Variants in PSPH observed in about 807,000 individuals in gnomAD.
PSPH encodes the protein phosphoserine phosphatase.
A neutral mutation model predicts 23.4 loss-of-function variants in PSPH; 16 were observed. The ratio of observed to expected loss-of-function variants is 0.68; its 90% CI spans 0.46 to 1.04. The LOEUF (loss-of-function observed/expected upper bound fraction) is 1.04. Ranked by LOEUF, PSPH falls within the 50% of genes least tolerant of loss-of-function variation. The pLI is 0.00. For missense variants in PSPH, 223 were observed against 273.7 expected, an observed-to-expected ratio of 0.81 and a Z score of 1.31; for synonymous variants, 68 against 99.7, an observed-to-expected ratio of 0.68 and a Z score of 1.89.
intron 1 of PSPH, among the ~76,000 whole-genome samples, chr7:56,035,540 C>T (rs921516680): frequency 5.9e-5 from 9 of 152,060 alleles, no homozygotes; most frequent in East Asian, 1.9e-4. Context: ...TGCTCACCCA[C>T]GCAGAGGATG....
intron 3 of PSPH, among the ~76,000 whole-genome samples, chr7:56,022,437 G>C (rs899519114): frequency 6.6e-6 from 1 of 152,146 alleles, no homozygotes; most frequent in Non-Finnish European, 1.5e-5. Flanking sequence ...GCAGGGCATC[G>C]ATTTGGCATG....
At chr7:56,024,579 C>T (rs949651955) in intron 3 of PSPH, among the ~76,000 whole-genome samples, 1 of 151,792 alleles carries the variant, frequency 6.6e-6, no homozygotes, top group African/African-American at 2.4e-5. Context: ...GACTTCATCT[C>T]TACAAAAGTA....
chr7:56,034,874 C>A (rs1791524934), intron 1 of PSPH, among the ~76,000 whole-genome samples: 3 of 151,850 alleles, frequency 2.0e-5, no homozygotes, highest in Admixed American at 1.3e-4. Flanking sequence ...AGAGTCTTTG[C>A]ACCTTACTTT....
intron 1 of PSPH, among the ~76,000 whole-genome samples, chr7:56,049,097 T>G (rs371391533): frequency 6.6e-6 from 1 of 151,778 alleles, no homozygotes. Flanking sequence ...TTTTTTTTTT[T>G]GTATTTTTAG....
At chr7:56,041,209 CTTTT>C (rs1163943212) in intron 1 of PSPH, among the ~76,000 whole-genome samples, 2,658 of 130,314 alleles carry the variant, frequency 0.02, 33 homozygotes, top group Non-Finnish European at 0.03. Context: ...CTCTCTCTCT[CTTTT>C]TTTTTTTTTT....
chr7:56,032,855 G>C (rs1259110501), intron 2 of PSPH, among the ~76,000 whole-genome samples: 4 of 151,956 alleles, frequency 2.6e-5, no homozygotes, highest in Non-Finnish European at 4.4e-5. Flanking sequence ...GGGAGGCTGA[G>C]GCAGGAGTTT....
intron 1 of PSPH, among the ~76,000 whole-genome samples, chr7:56,038,184 A>T: frequency 6.6e-6 from 1 of 150,562 alleles, no homozygotes; most frequent in Non-Finnish European, 1.5e-5. Flanking sequence ...CACACCTGTA[A>T]TCCCAGCACT....
At chr7:56,026,488 C>CAAAAAAAAAAAAAAAAAAAAAAAAA (rs56089644) in intron 3 of PSPH, among the ~76,000 whole-genome samples, 1 of 70,342 alleles carries the variant, frequency 1.4e-5, no homozygotes, top group African/African-American at 5.9e-5. Context: ...GACTCCATCT[C>CAAAAAAAAAAAAAAAAAAAAAAAAA]AAAAAAAAAA....
At chr7:56,020,544 G>C (rs761511317) in intron 4 of PSPH, among the ~76,000 whole-genome samples, 53 of 151,726 alleles carry the variant, frequency 3.5e-4, no homozygotes, top group Non-Finnish European at 4.1e-4. Flanking sequence ...AGAATTGCTT[G>C]AATCTGGGAG....
chr7:56,024,150 C>T (rs1204387732), intron 3 of PSPH, among the ~76,000 whole-genome samples: 1 of 151,618 alleles, frequency 6.6e-6, no homozygotes, highest in Admixed American at 6.6e-5. Flanking sequence ...CTCCTGACCT[C>T]GTGATCCGCC....
intron 7 of PSPH, among the ~76,000 whole-genome samples, chr7:56,013,044 T>TACACACATATACTATATATGTATATATAC (rs1290502447): frequency 1.4e-3 from 209 of 150,026 alleles, no homozygotes; most frequent in Non-Finnish European, 2.3e-3. Flanking sequence ...TGTATATATA[T>TACACACATATACTATATATGTATATATAC]ACACACATAT....
At chr7:56,036,486 G>T (rs1053641606) in intron 1 of PSPH, among the ~76,000 whole-genome samples, 2 of 151,918 alleles carry the variant, frequency 1.3e-5, no homozygotes, top group Admixed American at 1.3e-4. Context: ...AAATCTGGCT[G>T]GGTGTGGTGG....
At chr7:56,020,571 G>A (rs1789225124) in intron 4 of PSPH, among the ~76,000 whole-genome samples, 2 of 150,262 alleles carry the variant, frequency 1.3e-5, no homozygotes, top group South Asian at 4.2e-4. Context: ...GTTGCAGTGA[G>A]CTGAGATTGG....
At chr7:56,038,705 A>C (rs1792066121) in intron 1 of PSPH, among the ~76,000 whole-genome samples, 1 of 150,936 alleles carries the variant, frequency 6.6e-6, no homozygotes, top group South Asian at 2.1e-4. Context: ...ACGTGCACAC[A>C]CCTCGAGGCA....
intron 1 of PSPH, among the ~76,000 whole-genome samples, chr7:56,036,580 G>A (rs1377577455): frequency 6.7e-6 from 1 of 150,192 alleles, no homozygotes; most frequent in Non-Finnish European, 1.5e-5. Flanking sequence ...AGTGAGCCGT[G>A]ATCATGCCAC....
rs569110208 is a variant in PSPH at position 56,016,562 on chromosome 7, TA to T, written c.421+671del. On this transcript the variant is annotated intron_variant, in intron 6 of 7. Transcript: ENST00000275605. ...AATCCATTAACAAAAGTCTCCCTTC[TA>T]AAGTCTCTGTCTTGTTTTTTTTTAA... Among the ~76,000 whole-genome samples the T allele has an allele frequency of 2.0e-4, 30 of 149,400 alleles. No individual in the cohort carries two copies. In the East Asian group the frequency reaches 6.0e-3, roughly 30 times the overall value.
intron 3 of PSPH, among the ~76,000 whole-genome samples, chr7:56,024,587 GTAT>G (rs1449187283): frequency 4.0e-5 from 6 of 151,494 alleles, no homozygotes; most frequent in African/African-American, 1.5e-4. Flanking sequence ...CTCTACAAAA[GTAT>G]TTTTAAAATT....
At chr7:56,022,389 C>T (rs911504365) in intron 3 of PSPH, among the ~76,000 whole-genome samples, 2 of 152,072 alleles carry the variant, frequency 1.3e-5, no homozygotes, top group African/African-American at 4.8e-5. Context: ...TGAGCTGAAT[C>T]TGACAGGTAA....
intron 3 of PSPH, among the ~76,000 whole-genome samples, chr7:56,027,478 C>T (rs1790366731): frequency 6.6e-6 from 1 of 152,106 alleles, no homozygotes; most frequent in African/African-American, 2.4e-5. Flanking sequence ...GTAATCCCAG[C>T]ACTTTGGGAG....
Sources: gnomAD v4.1 joint callset for allele counts (sites outside exome capture counted in the v4.1 genomes callset) on GRCh38, gnomAD v4.1.1 for gene constraint, MANE v1.5 for transcripts, NCBI Gene and HGNC (gene_info 2026-07-23, HGNC 2026-07-21) for gene names.